The following MGAM variants were observed in gnomAD, a reference collection of about 807,000 sequenced individuals.
The protein encoded by MGAM is maltase-glucoamylase, also known as alpha-1,4-glucosidase.
A neutral mutation model predicts 358.8 loss-of-function variants in MGAM; 253 were observed. The observed-to-expected ratio is 0.71, with a 90% CI of 0.64 to 0.78. MGAM has a LOEUF of 0.78. Among genes scored for constraint, MGAM ranks in the 30% least tolerant of loss-of-function variants. The pLI, the probability that MGAM is intolerant of heterozygous loss-of-function variation, is 0.00. For missense variants in MGAM, 3,080 were observed against 3,432.6 expected, an observed-to-expected ratio of 0.90 and a Z score of 2.57; for synonymous variants, 1,105 against 1,227.1, an observed-to-expected ratio of 0.90 and a Z score of 2.08.
chr7:142,044,632 A>T (rs1412312365), intron 21 of MGAM, among the ~76,000 whole-genome samples: 1 of 87,394 alleles, frequency 1.1e-5, no homozygotes, highest in Non-Finnish European at 2.6e-5. Flanking sequence ...TATATTATAT[A>T]CACGTGTAAT....
Position 142,086,332 on chromosome 7 carries a change from T to A in MGAM, c.6747+4T>A, listed in dbSNP as rs1814756453. The A allele has an allele frequency of 6.6e-7, 1 of 1,519,338 alleles. No individual in the cohort carries two copies. Among genetic ancestry groups the A allele is most frequent in the African/African-American group, 1.4e-5 (1 of 74,044 alleles). The allele number at this position is 1,519,338 out of a possible 1,614,324, so 94.1% of individuals were successfully genotyped here. A position where few individuals can be genotyped will look rare whatever the true frequency, so the allele number is the denominator to read the frequency against. ...TGGAGACATTGTCTGGGGAAAGGTATAATCCTAAGCGATGATCCAGTAGTC... is the reference window on the plus strand; with the variant it reads ...TGGAGACATTGTCTGGGGAAAGGTAAAATCCTAAGCGATGATCCAGTAGTC... On this transcript the variant is annotated splice_donor_region_variant and intron_variant, in intron 56 of 70. Transcript: ENST00000475668.
chr7:142,041,951 T>TATA (rs1554468949), intron 21 of MGAM, among the ~76,000 whole-genome samples: 983 of 11,330 alleles, frequency 0.087, 51 homozygotes, highest in African/African-American at 0.1. Context: ...TATATATACA[T>TATA]ATATATAATA....
chr7:142,097,169 C>G (rs1413813359), intron 65 of MGAM, among the ~76,000 whole-genome samples: 1 of 152,036 alleles, frequency 6.6e-6, no homozygotes, highest in Non-Finnish European at 1.5e-5. Context: ...GATCTCCTGA[C>G]CTCATGATCC....
Position 142,093,504 on chromosome 7 carries a change from A to G in MGAM, c.7126A>G (p.Asn2376Asp). The G allele has an allele frequency of 6.6e-7, 1 of 1,510,764 alleles. No homozygotes were observed. Among genetic ancestry groups the G allele is most frequent in the Non-Finnish European group, 9.0e-7 (1 of 1,109,180 alleles). 93.6% of individuals were successfully genotyped at this position (1,510,764 alleles called of 1,614,324 possible). Residue 2376 changes from asparagine (N) to aspartate (D), a missense_variant, in exon 60 of 71, where the codon AAT (asparagine) becomes GAT (aspartate). By Grantham distance (23) the Asn-to-Asp change is conservative. This residue lies in a region of MGAM where 932 missense variants were observed against 1,198.2 expected (regional missense o/e 0.78). Coordinates refer to ENST00000475668, the MANE Select transcript of MGAM (RefSeq NM_001365693.1). Reference sequence around the variant, plus strand: ...AGACGGCTCCCCGGTGCAGCACTACAATGTGCACAACCTGTACGGGTGGTC... The same window carrying G: ...AGACGGCTCCCCGGTGCAGCACTACGATGTGCACAACCTGTACGGGTGGTC... ...LPDGSPVQHY[N>D]VHNLYGWSQT...
Position 142,100,873 on chromosome 7 carries a change from A to T in MGAM, c.7946A>T (p.Asp2649Val), listed in dbSNP as rs1203911144. The change falls in exon 68 of 71, where the codon GAT (aspartate) becomes GTT (valine). Residue 2649 changes from aspartate (D) to valine (V), a missense_variant. Physicochemically the swap from Asp to Val is radical, Grantham distance 152. Coordinates refer to ENST00000475668, the MANE Select transcript of MGAM (RefSeq NM_001365693.1). ...ACTGCTGGGGGCTGGCTCTTCTGGG[A>T]TGATGGGCAAAGCATTGGTGAGTAG... ...EGTAGGWLFW[D>V]DGQSIDTYGK... is the part of the protein sequence containing the mutation. The T allele has an allele frequency of 1.6e-5, 26 of 1,613,112 alleles. No homozygotes were observed. The highest frequency in any genetic ancestry group is 2.1e-5 in the Non-Finnish European group (25 of 1,179,624).
In MGAM at chr7:142,095,675, C is replaced by T; in HGVS notation, c.7569C>T (p.His2523=). 1 of 1,614,004 alleles carries T rather than the reference C, an allele frequency of 6.2e-7. No individual in the cohort carries two copies. Among genetic ancestry groups the T allele is most frequent in the Non-Finnish European group, 8.5e-7 (1 of 1,179,882 alleles). Residue 2523 remains histidine (H), a synonymous_variant, in exon 64 of 71, where the codon CAC becomes CAT. Transcript: ENST00000475668. ...TGTATACCTTGATGCATAAGGCCCA[C>T]ACGGAGGGCGTCACTGTTGTGCGGC... is the stretch of plus-strand genomic sequence containing the variant. ...PYLYTLMHKA[H]TEGVTVVRPL... is the part of the protein sequence containing the mutation.
At chr7:142,045,270 A>C (rs1432669962) in intron 21 of MGAM, among the ~76,000 whole-genome samples, 1 of 103,054 alleles carries the variant, frequency 9.7e-6, no homozygotes, top group African/African-American at 4.0e-5. Flanking sequence ...TATATATTAT[A>C]TATACCTATA....
chr7:142,051,056 C>T (rs1322614543), intron 24 of MGAM, among the ~76,000 whole-genome samples, 192 bp downstream of exon 24: 1 of 151,952 alleles, frequency 6.6e-6, no homozygotes, highest in Non-Finnish European at 1.5e-5. Context: ...CTTCTTATTC[C>T]CTTCTCTGCC....
chr7:142,043,657 AT>A (rs1181199383), intron 21 of MGAM, among the ~76,000 whole-genome samples: 1 of 135,402 alleles, frequency 7.4e-6, no homozygotes, highest in East Asian at 2.1e-4. Context: ...CTAATATATA[AT>A]ACATATATTA....
In MGAM at chr7:142,100,989, T is replaced by C; in HGVS notation, c.7963+99T>C. 3 of 1,096,150 alleles carry C rather than the reference T, an allele frequency of 2.7e-6. No homozygotes were observed. In the South Asian group the frequency reaches 4.7e-5, roughly 17 times the overall value. The allele number at this position is 1,096,150 out of a possible 1,614,324, so 67.9% of individuals were successfully genotyped here. A position where few individuals can be genotyped will look rare whatever the true frequency, so the allele number is the denominator to read the frequency against. On this transcript the variant is annotated intron_variant, in intron 68 of 70. Transcript: ENST00000475668. ...CACCTTTTCCCTATTATAACAATTT[T>C]GCATTTTAAAATATAATCATTTGTT...
At chr7:141,996,490 G>A (rs1554448730) in intron 1 of MGAM, among the ~76,000 whole-genome samples, 2 of 152,162 alleles carry the variant, frequency 1.3e-5, no homozygotes, top group Admixed American at 6.6e-5. Context: ...CTGTGTGTTT[G>A]TGTGTGTTTC....
In MGAM at chr7:142,074,340, G is replaced by T. The variant is rs1481139266; in HGVS notation, c.5275+167G>T. 1.4e-5 allele frequency among the ~76,000 whole-genome samples: 2 copies of T among 145,964 alleles called. 1 individual carries two copies. The highest frequency in any genetic ancestry group is 3.1e-5 in the Non-Finnish European group (2 of 64,524). ...GCACCATTCAGGGATAGTGGTGGAC[G>T]AACTACTGACGAAAGAAAAATGCAT... On this transcript the variant is annotated intron_variant, in intron 45 of 70. Transcript: ENST00000475668.
In MGAM at chr7:142,076,817, T is replaced by C; in HGVS notation, c.5484T>C (p.Ser1828=). 3.2e-6 allele frequency: 5 copies of C among 1,553,992 alleles called. No homozygotes were observed. Among genetic ancestry groups the C allele is most frequent in the Non-Finnish European group, 4.4e-6 (5 of 1,130,690 alleles). Residue 1828 remains serine, a synonymous_variant, in exon 47 of 71, where the codon TCT becomes TCC. Transcript: ENST00000475668. ...SQTSPTVTYD[S]NLKVAIITDI... is the part of the protein sequence containing the mutation. ...CTTCTCCTACAGTCACTTATGATTC[T>C]AACCTGAAGGTAAAAACCCATTTTG...
At chr7:142,040,246 A>G (rs767498777) in intron 20 of MGAM, 75 bp downstream of exon 20, 46 of 1,186,052 alleles carry the variant, frequency 3.9e-5, no homozygotes, top group Non-Finnish European at 5.3e-5. Flanking sequence ...CTTTCTGGAG[A>G]GAGAAACATC....
chr7:142,037,075 G>A, intron 18 of MGAM, 98 bp downstream of exon 18: 2 of 1,218,140 alleles, frequency 1.6e-6, no homozygotes, highest in Non-Finnish European at 2.3e-6. Context: ...AATTCAGGCA[G>A]TTATTCATAT....
chr7:142,085,123 G>A (rs1814638035), intron 54 of MGAM, among the ~76,000 whole-genome samples: 1 of 146,506 alleles, frequency 6.8e-6, no homozygotes, highest in South Asian at 2.2e-4. Flanking sequence ...TGGAATACAC[G>A]GATCCTGGAA....
Position 142,045,022 on chromosome 7 carries a change from T to C in MGAM, c.2499-2763T>C, listed in dbSNP as rs1809867955. Among the ~76,000 whole-genome samples the C allele has an allele frequency of 1.9e-5, 2 of 106,208 alleles. 1 individual carries two copies. Among genetic ancestry groups the C allele is most frequent in the South Asian group, 5.8e-4 (2 of 3,466 alleles). The allele number at this position is 106,208 out of a possible 152,430, so 69.7% of individuals were successfully genotyped here. A position where few individuals can be genotyped will look rare whatever the true frequency, so the allele number is the denominator to read the frequency against. On this transcript the variant is annotated intron_variant, in intron 21 of 70. Coordinates refer to ENST00000475668, the MANE Select transcript of MGAM (RefSeq NM_001365693.1). ...TGTAATATATGATATATAATATGTA[T>C]ATTGTATACACGTGTAATATATGAT...
chr7:142,076,424 T>TA (rs1182799012), intron 46 of MGAM, 172 bp downstream of exon 46: 5 of 879,268 alleles, frequency 5.7e-6, no homozygotes, highest in African/African-American at 3.2e-5. Context: ...GGCATTAATA[T>TA]AGCAAGTAGT....
At chr7:142,042,994 A>C (rs1809237344) in intron 21 of MGAM, among the ~76,000 whole-genome samples, 1 of 93,034 alleles carries the variant, frequency 1.1e-5, no homozygotes, top group Non-Finnish European at 1.8e-5. Context: ...TTATATATAC[A>C]TATAATATCT....
Sources: gnomAD v4.1 joint callset for allele counts (sites outside exome capture counted in the v4.1 genomes callset) on GRCh38, gnomAD v4.1.1 for gene constraint, gnomAD v4.1.1 regional missense constraint, MANE v1.5 for transcripts, NCBI Gene and HGNC (gene_info 2026-07-23, HGNC 2026-07-21) for gene names.